Variants in TG observed in about 807,000 individuals in gnomAD.
TG encodes the protein thyroid hormones.
In TG, 270 loss-of-function variants were observed where a neutral mutation model predicts 324.7. The observed-to-expected ratio is 0.83, with a 90% CI of 0.75 to 0.92. The LOEUF is 0.92. Ranked by LOEUF, TG falls within the 40% of genes least tolerant of loss-of-function variation. The pLI is 0.00. For missense variants in TG, 3,591 were observed against 3,456.4 expected (o/e 1.04, Z -0.98); for synonymous variants, 1,401 against 1,327.0 (o/e 1.06, Z -1.21).
chr8:133,052,355 G>A lies in TG; in HGVS notation c.7239+22332G>A, dbSNP rs1252881103. On this transcript the variant is annotated intron_variant, in intron 41 of 47. Transcript: ENST00000220616. ...GGGGAAGCTGAGTCCCTGACAATAA[G>A]CCATGTAAAAGCAAGAGTTTCTGGG... 2.6e-5 allele frequency among the ~76,000 whole-genome samples: 4 copies of A among 152,342 alleles called. No individual in the cohort carries two copies. The South Asian group carries it at 8.3e-4, about 32-fold the overall frequency.
chr8:132,988,064 GCACACACACACA>G (rs35161639), intron 35 of TG, among the ~76,000 whole-genome samples: 10 of 134,650 alleles, frequency 7.4e-5, no homozygotes, highest in African/African-American at 1.4e-4. Context: ...ACATACACAT[GCACACACACACA>G]CACACACACA....
Position 133,028,738 on chromosome 8 carries a change from A to G in TG, c.7037-1083A>G, listed in dbSNP as rs181623156. Among the ~76,000 whole-genome samples, 51 of 152,322 alleles carry G rather than the reference A, an allele frequency of 3.3e-4. No homozygotes were observed. The East Asian group carries it at 6.4e-3, about 19-fold the overall frequency. On this transcript the variant is annotated intron_variant, in intron 40 of 47. Coordinates refer to ENST00000220616, the MANE Select transcript of TG (RefSeq NM_003235.5). ...GACTGCAGCCGGCTGGTCTGCCTCC[A>G]TGGTGAGACCATGGTATTCTCTTCA...
In TG at chr8:133,017,919, C is replaced by T. The variant is rs542245773; in HGVS notation, c.6704C>T (p.Ala2235Val). The change falls in exon 38 of 48, where the codon GCC (alanine) becomes GTC (valine). Residue 2235 changes from alanine (A) to valine (V), a missense_variant. Physicochemically the swap from Ala to Val is moderately conservative, Grantham distance 64. Coordinates refer to ENST00000220616, the MANE Select transcript of TG (RefSeq NM_003235.5). The stretch of plus-strand genomic sequence containing the variant: ...CAGTTCCTTGGAGTTCCATATGCTG[C>T]CCCGCCCCTGGCAGAGAGGCGCTTC... Reference protein sequence around the residue: ...VDQFLGVPYAAPPLAERRFQA... With the variant: ...VDQFLGVPYAVPPLAERRFQA... 1.5e-5 allele frequency: 24 copies of T among 1,614,210 alleles called. No homozygotes were observed. In the South Asian group the frequency reaches 2.1e-4, roughly 14 times the overall value.
chr8:132,868,857 T>G (rs575961721), intron 2 of TG, among the ~76,000 whole-genome samples: 1 of 152,216 alleles, frequency 6.6e-6, no homozygotes, highest in Non-Finnish European at 1.5e-5. Flanking sequence ...TCCTTTGCAA[T>G]GTGCATGCAT....
At chr8:133,040,110 A>T in intron 41 of TG, 1 of 1,575,428 alleles carries the variant, frequency 6.3e-7, no homozygotes, top group Admixed American at 1.9e-5. Flanking sequence ...GTGAGCACAC[A>T]GCACAGGCCA....
chr8:133,093,823 C>T (rs1032460383), intron 41 of TG, among the ~76,000 whole-genome samples: 1 of 152,228 alleles, frequency 6.6e-6, no homozygotes, highest in Admixed American at 6.5e-5. Flanking sequence ...GATCCCAGCC[C>T]TGCCTCCTAA....
chr8:133,013,705 A>G lies in TG; in HGVS notation c.6503A>G (p.Gln2168Arg). 1 of 1,614,058 alleles carries G rather than the reference A, an allele frequency of 6.2e-7. No homozygotes were observed. The highest frequency in any genetic ancestry group is 8.5e-7 in the Non-Finnish European group (1 of 1,180,042). The change falls in exon 37 of 48, where the codon CAG becomes CGG. Residue 2168 changes from glutamine (Q) to arginine (R), a missense_variant. Transcript: ENST00000220616. ...ACTCAAAGCTGCACACATAGTCTGC[A>G]GGGTCAGAACTGCCGACTTCTGCTT... ...ADTQSCTHSLQGQNCRLLLRE... is the reference protein window; with the variant it reads ...ADTQSCTHSLRGQNCRLLLRE...
At chr8:132,880,825 A>G (rs1417476388) in intron 5 of TG, among the ~76,000 whole-genome samples, 2 of 152,210 alleles carry the variant, frequency 1.3e-5, no homozygotes, top group East Asian at 3.8e-4. Flanking sequence ...TTTGGCTAGA[A>G]TTTTTAAGCA....
intron 29 of TG, 107 bp downstream of exon 29, chr8:132,963,181 C>A: frequency 9.6e-7 from 1 of 1,046,220 alleles, no homozygotes; most frequent in Non-Finnish European, 1.5e-6. Context: ...TCACTCTATT[C>A]TGTATCCATG....
intron 30 of TG, 129 bp downstream of exon 30, chr8:132,966,826 G>T: frequency 8.9e-7 from 1 of 1,125,096 alleles, no homozygotes. Context: ...CACTGTGGAT[G>T]ATATAAAAGA....
rs777825620 is a variant in TG at position 132,913,264 on chromosome 8, C to T, written c.4377C>T (p.Cys1459=). 97 of 1,613,552 alleles carry T rather than the reference C, an allele frequency of 6.0e-5. No homozygotes were observed. Among genetic ancestry groups the T allele is most frequent in the Middle Eastern group, 1.7e-4 (1 of 5,860 alleles). The change falls in exon 20 of 48, where the codon TGC becomes TGT. Residue 1459 remains cysteine (C), a splice_region_variant and synonymous_variant. Coordinates refer to ENST00000220616, the MANE Select transcript of TG (RefSeq NM_003235.5). ...TSEASQDGLG[C]VKCPEGSYSQ... is the part of the protein sequence containing the mutation. Reference sequence around the variant, plus strand: ...AGGCCAGTCAGGACGGACTGGGATGCGGTAGGTCCACTCTCTCCCTGGATA... The same window carrying T: ...AGGCCAGTCAGGACGGACTGGGATGTGGTAGGTCCACTCTCTCCCTGGATA...
chr8:132,913,848 G>T (rs996538830), intron 20 of TG, among the ~76,000 whole-genome samples: 2 of 152,208 alleles, frequency 1.3e-5, no homozygotes, highest in Non-Finnish European at 2.9e-5. Context: ...CATTTCTATA[G>T]GTTTGGATTA....
In TG at chr8:132,893,785, C is replaced by G; in HGVS notation, c.2857C>G (p.Leu953Val). The G allele has an allele frequency of 1.2e-6, 2 of 1,614,014 alleles. No homozygotes were observed. Among genetic ancestry groups the G allele is most frequent in the Non-Finnish European group, 1.7e-6 (2 of 1,179,920 alleles). The change falls in exon 11 of 48, where the codon CTG (leucine) becomes GTG (valine). Residue 953 changes from leucine (L) to valine (V), a missense_variant. By Grantham distance (32) the Leu-to-Val change is conservative. Transcript: ENST00000220616. ...AGCTTCCAACAGTTCTCGGTTCCCT[C>G]TGGGGGAGAGTTTCCTGGTGGCCAA... is the stretch of plus-strand genomic sequence containing the variant. Reference protein sequence around the residue: ...VSASNSSRFPLGESFLVAKGI... With the variant: ...VSASNSSRFPVGESFLVAKGI...
chr8:133,104,197 G>C (rs59767125), intron 43 of TG, among the ~76,000 whole-genome samples: 37,975 of 152,042 alleles, frequency 0.25, 4,914 homozygotes, highest in South Asian at 0.3. Context: ...ACTGGGAGGA[G>C]AGGAAGTCAG....
intron 11 of TG, among the ~76,000 whole-genome samples, chr8:132,896,404 G>C (rs942729299): frequency 6.6e-6 from 1 of 152,208 alleles, no homozygotes; most frequent in African/African-American, 2.4e-5. Flanking sequence ...CTCTCGTCTG[G>C]AGCCATGAAG....
intron 41 of TG, among the ~76,000 whole-genome samples, chr8:133,036,527 G>A (rs913404789): frequency 5.3e-5 from 8 of 152,056 alleles, no homozygotes; most frequent in Non-Finnish European, 1.0e-4. Context: ...TTCAAGTTTC[G>A]TAAGACACCC....
chr8:132,924,313 C>T (rs1265217567), intron 22 of TG, among the ~76,000 whole-genome samples: 1 of 152,160 alleles, frequency 6.6e-6, no homozygotes, highest in Non-Finnish European at 1.5e-5. Context: ...ATGCTCACCT[C>T]CTGCTGCGTG....
At chr8:133,038,364 T>C in intron 41 of TG, 1 of 631,400 alleles carries the variant, frequency 1.6e-6, no homozygotes, top group Non-Finnish European at 2.8e-6. Flanking sequence ...GGTCATGATG[T>C]GGATAGAGAA....
chr8:133,055,365 GCACACACACACACACACACA>G (rs869172140), intron 41 of TG, among the ~76,000 whole-genome samples: 2 of 62,264 alleles, frequency 3.2e-5, no homozygotes, highest in African/African-American at 2.0e-4. Context: ...ACGCACGCGC[GCACACACACACACACACACA>G]CACACACACA....
Sources: allele counts gnomAD v4.1 joint callset (sites outside exome capture counted in the v4.1 genomes callset), GRCh38; gene constraint gnomAD v4.1.1; transcripts MANE v1.5; gene names NCBI Gene and HGNC (gene_info 2026-07-23, HGNC 2026-07-21).